ZFYVE16: variants seen among roughly 807,000 people sequenced by gnomAD.
ZFYVE16 encodes zinc finger FYVE domain-containing protein 16.
A neutral mutation model predicts 138.1 loss-of-function variants in ZFYVE16; 89 were observed. The observed-to-expected ratio is 0.64, with a 90% CI of 0.54 to 0.77. ZFYVE16 has a LOEUF of 0.77. ZFYVE16 is among the 30% of genes least tolerant of loss of function. The pLI is 0.00. For missense variants in ZFYVE16, 1,793 were observed against 1,786.7 expected, an observed-to-expected ratio of 1.00 and a Z score of -0.06; for synonymous variants, 596 against 618.3, an observed-to-expected ratio of 0.96 and a Z score of 0.53.
intron 18 of ZFYVE16, among the ~76,000 whole-genome samples, chr5:80,475,890 A>C (rs1376788501): frequency 6.6e-6 from 1 of 152,182 alleles, no homozygotes; most frequent in East Asian, 1.9e-4. Flanking sequence ...TATTATCCCA[A>C]ATAGAGGTTA....
chr5:80,460,450 T>A (rs367598056), intron 15 of ZFYVE16, among the ~76,000 whole-genome samples: 4 of 152,184 alleles, frequency 2.6e-5, no homozygotes, highest in Non-Finnish European at 4.4e-5. Flanking sequence ...ATGACTCTTA[T>A]GGCTAATGTT....
At chr5:80,439,326 G>A (rs1750387397) in intron 4 of ZFYVE16, among the ~76,000 whole-genome samples, 1 of 151,994 alleles carries the variant, frequency 6.6e-6, no homozygotes, top group Non-Finnish European at 1.5e-5. Context: ...TTCCAGATTT[G>A]GTCAGATTCC....
chr5:80,459,756 CAT>C (rs1212969200), intron 15 of ZFYVE16, among the ~76,000 whole-genome samples: 1 of 152,090 alleles, frequency 6.6e-6, no homozygotes, highest in Non-Finnish European at 1.5e-5. Flanking sequence ...GCCTAAACAA[CAT>C]ATTGTTTATG....
chr5:80,465,726 T>G (rs1320624942), intron 15 of ZFYVE16, among the ~76,000 whole-genome samples: 1 of 152,010 alleles, frequency 6.6e-6, no homozygotes, highest in Non-Finnish European at 1.5e-5. Flanking sequence ...AGTTTCTGAT[T>G]AAGAAGTCAG....
intron 1 of ZFYVE16, among the ~76,000 whole-genome samples, chr5:80,412,536 A>G (rs1169916562): frequency 6.6e-6 from 1 of 152,168 alleles, no homozygotes; most frequent in East Asian, 1.9e-4. Flanking sequence ...CCGTATTTAC[A>G]TTGTCATATC....
intron 15 of ZFYVE16, 105 bp from the exon 16 acceptor site, chr5:80,472,656 A>C: frequency 8.8e-7 from 1 of 1,130,790 alleles, no homozygotes. Context: ...CAAATGATTT[A>C]AAACTTGTAT....
intron 10 of ZFYVE16, among the ~76,000 whole-genome samples, chr5:80,450,794 G>A (rs967377770): frequency 2.0e-5 from 3 of 149,760 alleles, no homozygotes; most frequent in African/African-American, 4.9e-5. Flanking sequence ...TTTTAAAAAT[G>A]GAAATATATC....
intron 5 of ZFYVE16, chr5:80,441,110 G>T (rs1750659730): frequency 1.0e-6 from 1 of 985,382 alleles, no homozygotes; most frequent in African/African-American, 1.7e-5. Context: ...CAGTAGCCTA[G>T]AAGATGACTG....
In ZFYVE16 at chr5:80,457,016, T is replaced by G; in HGVS notation, c.3867T>G (p.Asp1289Glu). Reference protein sequence around the residue: ...SIGASFSTEADSHLVCIQNDG... With the variant: ...SIGASFSTEAESHLVCIQNDG... ...GAGCAAGTTTCAGTACAGAAGCAGA[T>G]TCTCATCTAGTCTGTATACAGAATG... The change falls in exon 14 of 19, where the codon GAT becomes GAG. Residue 1289 changes from aspartate to glutamate, a missense_variant. This residue lies in a region of ZFYVE16 where 498 missense variants were observed against 582.4 expected (regional missense o/e 0.86). Coordinates refer to ENST00000505560, the MANE Select transcript of ZFYVE16 (RefSeq NM_001284236.3). 1 of 1,612,894 alleles carries G rather than the reference T, an allele frequency of 6.2e-7. No homozygotes were observed. The highest frequency in any genetic ancestry group is 8.5e-7 in the Non-Finnish European group (1 of 1,179,616).
chr5:80,451,306 T>C (rs1184380724), intron 10 of ZFYVE16, among the ~76,000 whole-genome samples, 179 bp from the exon 11 acceptor site: 1 of 152,208 alleles, frequency 6.6e-6, no homozygotes, highest in Non-Finnish European at 1.5e-5. Flanking sequence ...ATTTAATAGA[T>C]GCTTTTGCAA....
At chr5:80,473,016 A>G (rs753152489) in intron 16 of ZFYVE16, 93 bp downstream of exon 16, 79 of 1,122,438 alleles carry the variant, frequency 7.0e-5, no homozygotes, top group Non-Finnish European at 9.1e-5. Flanking sequence ...TTATGAACGA[A>G]TATATACTTA....
At chr5:80,413,259 G>T (rs1461345060) in intron 1 of ZFYVE16, among the ~76,000 whole-genome samples, 1 of 151,914 alleles carries the variant, frequency 6.6e-6, no homozygotes, top group Admixed American at 6.6e-5. Context: ...ATCACCTGAG[G>T]TCGGGAGTTC....
rs569058043 is a variant in ZFYVE16, at chr5:80,420,403, A to G, written c.-93-7089A>G. 6.4e-4 allele frequency among the ~76,000 whole-genome samples: 97 copies of G among 152,228 alleles called. 1 individual carries two copies. Among genetic ancestry groups the G allele is most frequent in the African/African-American group, 2.1e-3 (88 of 41,522 alleles). The stretch of plus-strand genomic sequence containing the variant: ...GTTGGTGTGCTGCACCCATTAACTC[A>G]TCATTTACATTAGGTATATCTCCTA... On this transcript the variant is annotated intron_variant, in intron 1 of 18. Transcript: ENST00000505560.
In ZFYVE16 at chr5:80,443,125, C is replaced by G. The variant is rs975802396; in HGVS notation, c.2422C>G (p.Gln808Glu). 7 of 1,540,264 alleles carry G rather than the reference C, an allele frequency of 4.5e-6. No homozygotes were observed. Among genetic ancestry groups the G allele is most frequent in the Non-Finnish European group, 6.1e-6 (7 of 1,155,588 alleles). Reference sequence around the variant, plus strand: ...CACTATTGTTTTCCCCTTTATAGCTCAGGCATTTGAAAGGATGATGAGTCC... The same window carrying G: ...CACTATTGTTTTCCCCTTTATAGCTGAGGCATTTGAAAGGATGATGAGTCC... ...VVCYETISKA[Q>E]AFERMMSPTG... Residue 808 changes from glutamine (Q) to glutamate (E), a missense_variant and splice_region_variant, in exon 6 of 19, where the codon CAG becomes GAG. Physicochemically the swap from Gln to Glu is conservative, Grantham distance 29. This residue lies in a region of ZFYVE16 where 1,295 missense variants were observed against 1,204.3 expected (regional missense o/e 1.08). Transcript: ENST00000505560.
chr5:80,428,167 G>A (rs1748419129), intron 2 of ZFYVE16, among the ~76,000 whole-genome samples: 1 of 152,002 alleles, frequency 6.6e-6, no homozygotes, highest in South Asian at 2.1e-4. Context: ...CCTCAAGTGG[G>A]TCCCTGACCC....
chr5:80,461,417 T>C (rs569659834), intron 15 of ZFYVE16, among the ~76,000 whole-genome samples: 13 of 152,350 alleles, frequency 8.5e-5, no homozygotes, highest in African/African-American at 2.9e-4. Flanking sequence ...CTGCAAATAA[T>C]TATGTCTACT....
chr5:80,426,205 T>TG (rs762564304), intron 1 of ZFYVE16, among the ~76,000 whole-genome samples: 92 of 14,978 alleles, frequency 6.1e-3, no homozygotes, highest in Middle Eastern at 0.11. Flanking sequence ...GTGTGTGGTG[T>TG]GTGTGTGTGT....
At chr5:80,461,204 G>A (rs568461396) in intron 15 of ZFYVE16, among the ~76,000 whole-genome samples, 2 of 152,142 alleles carry the variant, frequency 1.3e-5, no homozygotes, top group East Asian at 3.9e-4. Context: ...AGTATATAAT[G>A]CAAATATTCC....
chr5:80,408,313 C>T (rs566945454), intron 1 of ZFYVE16, among the ~76,000 whole-genome samples, 160 bp downstream of exon 1: 2 of 152,338 alleles, frequency 1.3e-5, no homozygotes, highest in South Asian at 4.1e-4. Context: ...TTCCGAGCCC[C>T]CGGAGCTGGC....
Sources: gnomAD v4.1 joint callset for allele counts (sites outside exome capture counted in the v4.1 genomes callset) on GRCh38, gnomAD v4.1.1 for gene constraint, gnomAD v4.1.1 regional missense constraint, MANE v1.5 for transcripts, NCBI Gene and HGNC (gene_info 2026-07-23, HGNC 2026-07-21) for gene names.